F13A1: variants seen among roughly 807,000 people sequenced by gnomAD.
F13A1 encodes the protein coagulation factor XIII A chain, also known as FSF, A subunit.
Under a neutral mutation model 80.1 loss-of-function variants are expected in F13A1, and 47 were observed. The observed-to-expected ratio is 0.59, with a 90% CI of 0.46 to 0.75. The LOEUF (loss-of-function observed/expected upper bound fraction) is 0.75, where lower values mean the gene tolerates loss of function less well. Ranked by LOEUF, F13A1 falls within the 30% of genes least tolerant of loss-of-function variation. F13A1 has a pLI of 0.00. For synonymous variants in F13A1, 349 were observed against 344.9 expected (o/e 1.01, Z -0.13); for missense variants, 817 against 930.4 (o/e 0.88, Z 1.59).
At chr6:6,281,693 T>C (rs898167969) in intron 3 of F13A1, among the ~76,000 whole-genome samples, 5 of 151,938 alleles carry the variant, frequency 3.3e-5, no homozygotes, top group African/African-American at 7.3e-5. Flanking sequence ...AGCTCAAAGA[T>C]AAAAAATGTA....
intron 3 of F13A1, among the ~76,000 whole-genome samples, chr6:6,269,188 C>T (rs761199600): frequency 2.7e-5 from 4 of 150,866 alleles, no homozygotes; most frequent in Admixed American, 1.3e-4. Flanking sequence ...TGTGTGATCT[C>T]GGGCAAAGCA....
rs1266715979 is a variant in F13A1, at chr6:6,320,153, C to CAGGCGATGCGCAGGAGTGGGG, written c.-19+413_-19+433dup. On this transcript the variant is annotated intron_variant, in intron 1 of 14. Transcript: ENST00000264870. ...GTTCAGCTCCAAATTGGGACGGAGG[C>CAGGCGATGCGCAGGAGTGGGG]AGGCGATGCGCAGGAGTGGGGAGGC... Among the ~76,000 whole-genome samples the CAGGCGATGCGCAGGAGTGGGG allele has an allele frequency of 2.0e-5, 3 of 151,882 alleles. No homozygotes were observed. In the East Asian group the frequency reaches 5.8e-4, roughly 29 times the overall value.
In F13A1 at chr6:6,199,494, GA is replaced by G. The variant is rs58442527; in HGVS notation, c.1113-2169del. ...GTCGACAGAGCGAGACTCCATCTCAGAAAAAAAAAAAAAGAACAGTACTATT... is the reference window on the plus strand; with the variant it reads ...GTCGACAGAGCGAGACTCCATCTCAGAAAAAAAAAAAAGAACAGTACTATT... On this transcript the variant is annotated intron_variant, in intron 8 of 14. Transcript: ENST00000264870. 8.5e-4 allele frequency among the ~76,000 whole-genome samples: 118 copies of G among 138,838 alleles called. No homozygotes were observed. The East Asian group carries it at 0.011, about 13-fold the overall frequency. The allele number at this position is 138,838 out of a possible 152,430, so 91.1% of individuals were successfully genotyped here. A position where few individuals can be genotyped will look rare whatever the true frequency, so the allele number is the denominator to read the frequency against.
chr6:6,262,475 C>T (rs1757790328), intron 4 of F13A1, among the ~76,000 whole-genome samples: 2 of 152,196 alleles, frequency 1.3e-5, no homozygotes, highest in African/African-American at 4.8e-5. Context: ...GCCATGAAGT[C>T]AGAAATCCCT....
intron 3 of F13A1, among the ~76,000 whole-genome samples, chr6:6,295,697 C>T (rs1758314361): frequency 1.4e-5 from 2 of 143,690 alleles, no homozygotes; most frequent in Admixed American, 1.4e-4. Flanking sequence ...CTGTAGGTTG[C>T]CTGTTCACTC....
In F13A1 at chr6:6,248,404, G is replaced by A. The variant is rs1440848705; in HGVS notation, c.706C>T (p.Leu236=). 1 of 1,613,448 alleles carries A rather than the reference G, an allele frequency of 6.2e-7. No individual in the cohort carries two copies. Among genetic ancestry groups the A allele is most frequent in the Non-Finnish European group, 8.5e-7 (1 of 1,179,742 alleles). The part of the protein sequence containing the change: ...WSYGQFEDGI[L]DTCLYVMDRA... ...TCCATCACATACAGGCAAGTGTCCA[G>A]GATGCCATCTTCAAACTATTTGGAG... The change falls in exon 6 of 15, where the codon CTG becomes TTG. Residue 236 remains leucine, a synonymous_variant. Transcript: ENST00000264870.
chr6:6,226,662 G>GA (rs561828399), intron 6 of F13A1, among the ~76,000 whole-genome samples: 175 of 151,906 alleles, frequency 1.2e-3, no homozygotes, highest in Middle Eastern at 3.4e-3. Context: ...TGGGAACAAA[G>GA]AAAAAAAATC....
chr6:6,177,073 T>C (rs773920951), intron 11 of F13A1, among the ~76,000 whole-genome samples: 22 of 152,194 alleles, frequency 1.4e-4, no homozygotes, highest in Admixed American at 1.3e-3. Flanking sequence ...TCTACAGTTA[T>C]GCTGCGTGCT....
In F13A1 at chr6:6,243,633, CTGAGAG is replaced by C; in HGVS notation, c.798+4673_798+4678del. On this transcript the variant is annotated intron_variant, in intron 6 of 14. Coordinates refer to ENST00000264870, the MANE Select transcript of F13A1 (RefSeq NM_000129.4). The surrounding 1 kb of genome is among the most constrained non-coding windows in gnomAD (Gnocchi z 4.2). Reference sequence around the variant, plus strand: ...TAGTGGCCCTCTAAGGTAATATGATCTGAGAGTAAGGACCATATCTGGTTTCAGCTC... The same window carrying C: ...TAGTGGCCCTCTAAGGTAATATGATCTAAGGACCATATCTGGTTTCAGCTC... 6.6e-6 allele frequency among the ~76,000 whole-genome samples: 1 copy of C among 152,096 alleles called. No individual in the cohort carries two copies. The highest frequency in any genetic ancestry group is 1.5e-5 in the Non-Finnish European group (1 of 68,028).
intron 3 of F13A1, among the ~76,000 whole-genome samples, chr6:6,276,558 T>A (rs1044719388): frequency 6.6e-6 from 1 of 152,232 alleles, no homozygotes; most frequent in Non-Finnish European, 1.5e-5. Context: ...CTTTAAGGGT[T>A]ATGTCCATTT....
chr6:6,147,787 C>T (rs1018695545), intron 14 of F13A1, among the ~76,000 whole-genome samples: 2 of 152,194 alleles, frequency 1.3e-5, no homozygotes, highest in African/African-American at 4.8e-5. Flanking sequence ...TGAAAATACT[C>T]ATACATGAAG....
chr6:6,191,953 T>C (rs1761209591), intron 10 of F13A1, among the ~76,000 whole-genome samples: 1 of 152,148 alleles, frequency 6.6e-6, no homozygotes, highest in South Asian at 2.1e-4. Context: ...TGCAGTTGGG[T>C]GAGCGAAGGC....
At chr6:6,191,863 CTCATATTCTAGAAGGGAGAAATGGAGT>C (rs1761207333) in intron 10 of F13A1, among the ~76,000 whole-genome samples, 2 of 152,192 alleles carry the variant, frequency 1.3e-5, no homozygotes, top group South Asian at 4.1e-4. Flanking sequence ...CTTCATGGAG[CTCATATTCTAGAAGGGAGAAATGGAGT>C]ACACACTAAG....
intron 5 of F13A1, among the ~76,000 whole-genome samples, chr6:6,249,412 C>T (rs3024388): frequency 0.24 from 37,079 of 152,160 alleles, 4,856 homozygotes; most frequent in South Asian, 0.43. Context: ...TAGCAACTAA[C>T]TGGAGAGTTA....
At chr6:6,211,878 G>T (rs1285191936) in intron 8 of F13A1, among the ~76,000 whole-genome samples, 3 of 152,244 alleles carry the variant, frequency 2.0e-5, no homozygotes, top group Non-Finnish European at 4.4e-5. Flanking sequence ...AGCGCAAGGG[G>T]TCAGGGAGTT....
At chr6:6,254,507 G>A (rs1583096556) in intron 4 of F13A1, among the ~76,000 whole-genome samples, 1 of 152,178 alleles carries the variant, frequency 6.6e-6, no homozygotes, top group Middle Eastern at 3.4e-3. Context: ...GAGAAAATGA[G>A]GTACAGAGCA....
At chr6:6,212,685 CTT>C (rs1761640587) in intron 8 of F13A1, among the ~76,000 whole-genome samples, 1 of 152,236 alleles carries the variant, frequency 6.6e-6, no homozygotes, top group African/African-American at 2.4e-5. Flanking sequence ...TGGAGAATAA[CTT>C]TGACGAGCTG....
intron 8 of F13A1, among the ~76,000 whole-genome samples, chr6:6,214,633 A>C: frequency 1.0e-5 from 1 of 96,972 alleles, no homozygotes; most frequent in African/African-American, 5.1e-5. Flanking sequence ...GAAAAGCAAG[A>C]GCAAACACAT....
Position 6,269,189 on chromosome 6 carries a change from G to A in F13A1, c.320-2380C>T, listed in dbSNP as rs116032811. Among the ~76,000 whole-genome samples, 715 of 151,506 alleles carry A rather than the reference G, an allele frequency of 4.7e-3. 9 individuals carry two copies. The highest frequency in any genetic ancestry group is 6.9e-3 in the South Asian group (33 of 4,762). The stretch of plus-strand genomic sequence containing the variant: ...GGCTCTAACACTTCTGTGTGATCTC[G>A]GGCAAAGCACTCATCCCCTGTCAAC... On this transcript the variant is annotated intron_variant, in intron 3 of 14. Transcript: ENST00000264870.
Sources: gnomAD v4.1 joint callset for allele counts (sites outside exome capture counted in the v4.1 genomes callset) on GRCh38, gnomAD v4.1.1 for gene constraint, Gnocchi (gnomAD v3.1) non-coding constraint, MANE v1.5 for transcripts, NCBI Gene and HGNC (gene_info 2026-07-23, HGNC 2026-07-21) for gene names.